Variants in LMX1B observed in about 807,000 individuals in gnomAD.
LMX1B encodes the protein LIM homeobox transcription factor 1 beta.
In LMX1B, 12 loss-of-function variants were observed where a neutral mutation model predicts 51.4. The observed-to-expected ratio is 0.23, with a 90% confidence interval of 0.15 to 0.38. LMX1B has a LOEUF of 0.38. LMX1B is among the 10% of genes least tolerant of loss of function. The pLI, the probability that LMX1B is intolerant of heterozygous loss-of-function variation, is 1.00. For synonymous variants in LMX1B, 237 were observed against 235.4 expected (o/e 1.01, Z -0.06); for missense variants, 445 against 571.1 (o/e 0.78, Z 2.25).
At chr9:126,648,674 A>G (rs1477768379) in intron 2 of LMX1B, among the ~76,000 whole-genome samples, 1 of 152,218 alleles carries the variant, frequency 6.6e-6, no homozygotes, top group East Asian at 1.9e-4. Context: ...ATCGATGGAC[A>G]GGTACATGAG....
chr9:126,694,763 T>C (rs951544763), intron 6 of LMX1B, among the ~76,000 whole-genome samples: 2 of 152,150 alleles, frequency 1.3e-5, no homozygotes, highest in Non-Finnish European at 1.5e-5. Flanking sequence ...CGCTTCCCCC[T>C]CTGCCCCTCC....
intron 2 of LMX1B, among the ~76,000 whole-genome samples, chr9:126,663,430 AAAAAAAAAG>A (rs1220075280): frequency 2.1e-4 from 19 of 91,350 alleles, no homozygotes; most frequent in South Asian, 4.6e-4. Context: ...TCTCAAAAAA[AAAAAAAAAG>A]AAAAAAAAAA....
chr9:126,670,989 G>A (rs1342299064), intron 2 of LMX1B, among the ~76,000 whole-genome samples: 1 of 152,204 alleles, frequency 6.6e-6, no homozygotes, highest in Non-Finnish European at 1.5e-5. Flanking sequence ...TCCCACGCTA[G>A]CTGCCACCAC....
In LMX1B at chr9:126,670,519, G is replaced by A. The variant is rs138450342; in HGVS notation, c.327-20317G>A. On this transcript the variant is annotated intron_variant, in intron 2 of 7. Transcript: ENST00000373474. ...TGGGCATGTGTAAACAGCAGGGTTG[G>A]GCAGATGCAGATGGACAGGTAGGTG... Among the ~76,000 whole-genome samples the A allele has an allele frequency of 8.3e-3, 1,264 of 152,334 alleles. 8 individuals are homozygous for A. Among genetic ancestry groups the A allele is most frequent in the Non-Finnish European group, 0.014 (938 of 68,030 alleles).
Position 126,615,390 on chromosome 9 carries a change from C to G in LMX1B, c.147C>G (p.Asp49Glu). The change falls in exon 2 of 8, where the codon GAC becomes GAG. Residue 49 changes from aspartate to glutamate, a missense_variant. This residue lies in a region of LMX1B where 273 missense variants were observed against 343.3 expected (regional missense o/e 0.80). Coordinates refer to ENST00000373474, the MANE Select transcript of LMX1B (RefSeq NM_001174147.2). This position sits in a 1 kb window ranked among gnomAD's most constrained non-coding sequence, Gnocchi z 6.0. ...PATLGVLLGS[D>E]CPHPAVCEGC... ...TCGCCCTGTGCGCTACAGGCTCCGACTGCCCGCATCCCGCCGTCTGCGAGG... is the reference window on the plus strand; with the variant it reads ...TCGCCCTGTGCGCTACAGGCTCCGAGTGCCCGCATCCCGCCGTCTGCGAGG... The G allele has an allele frequency of 6.3e-7, 1 of 1,599,568 alleles. No homozygotes were observed. Among genetic ancestry groups the G allele is most frequent in the South Asian group, 1.1e-5 (1 of 89,456 alleles).
chr9:126,686,445 A>G (rs2029889177), intron 2 of LMX1B, among the ~76,000 whole-genome samples: 2 of 152,346 alleles, frequency 1.3e-5, no homozygotes, highest in African/African-American at 2.4e-5. Flanking sequence ...ATCTTCTCAC[A>G]GCCTGGGACT....
intron 7 of LMX1B, 26 bp downstream of exon 7, chr9:126,696,029 C>A (rs370270617): frequency 1.4e-6 from 2 of 1,467,994 alleles, no homozygotes; most frequent in East Asian, 2.5e-5. Context: ...CCCACCCGCC[C>A]GCCCCAGCAC....
chr9:126,680,769 AG>A (rs1016423292), intron 2 of LMX1B, among the ~76,000 whole-genome samples: 20 of 152,290 alleles, frequency 1.3e-4, no homozygotes, highest in Non-Finnish European at 2.5e-4. Flanking sequence ...GGCAGAAAGA[AG>A]GGGGAAGAGG....
At position 126,696,015 on chromosome 9, in the gene LMX1B, T is replaced by TA; in HGVS notation, c.1051+13dup. 1 of 1,556,458 alleles carries TA rather than the reference T, an allele frequency of 6.4e-7. No individual in the cohort carries two copies. The highest frequency in any genetic ancestry group is 8.7e-7 in the Non-Finnish European group (1 of 1,155,158). On this transcript the variant is annotated intron_variant, in intron 7 of 7. Coordinates refer to ENST00000373474, the MANE Select transcript of LMX1B (RefSeq NM_001174147.2). ...CATGAACCCCTATGGTAAGCCGCCC[T>TA]ACCCCCACCCGCCCGCCCCAGCACA... is the stretch of plus-strand genomic sequence containing the variant.
chr9:126,686,435 A>G (rs1234902417), intron 2 of LMX1B, among the ~76,000 whole-genome samples: 1 of 152,250 alleles, frequency 6.6e-6, no homozygotes, highest in Non-Finnish European at 1.5e-5. Flanking sequence ...ATATGGAGAT[A>G]TCTTCTCACA....
chr9:126,636,061 C>A (rs1835708920), intron 2 of LMX1B, among the ~76,000 whole-genome samples: 1 of 152,158 alleles, frequency 6.6e-6, no homozygotes, highest in South Asian at 2.1e-4. Context: ...GGAGCCCTCC[C>A]CTCTATGAGC....
chr9:126,660,684 G>A (rs982810140), intron 2 of LMX1B, among the ~76,000 whole-genome samples: 1 of 152,176 alleles, frequency 6.6e-6, no homozygotes, highest in Non-Finnish European at 1.5e-5. Context: ...GAATCCATGT[G>A]AGGGGGATTG....
intron 2 of LMX1B, among the ~76,000 whole-genome samples, chr9:126,666,388 G>A (rs1368626249): frequency 2.0e-5 from 3 of 152,206 alleles, no homozygotes; most frequent in African/African-American, 7.2e-5. Context: ...GAGCAGCTGA[G>A]CCAGGTGACA....
chr9:126,660,059 C>CTACACTGGCTTCAGAG, intron 2 of LMX1B, among the ~76,000 whole-genome samples: 1 of 59,762 alleles, frequency 1.7e-5, no homozygotes, highest in Non-Finnish European at 3.9e-5. Flanking sequence ...GGTTGTCCTG[C>CTACACTGGCTTCAGAG]GTGGGGGTGT....
intron 2 of LMX1B, among the ~76,000 whole-genome samples, chr9:126,675,354 G>A (rs957501785): frequency 6.6e-6 from 1 of 152,174 alleles, no homozygotes; most frequent in Admixed American, 6.5e-5. Context: ...TGCAGAGAAC[G>A]CCCTTTTGTA....
intron 3 of LMX1B, 79 bp from the exon 4 acceptor site, chr9:126,693,063 G>A: frequency 7.0e-7 from 1 of 1,422,742 alleles, no homozygotes; most frequent in South Asian, 1.3e-5. Flanking sequence ...CCATCGGGCA[G>A]CAGGTTGCCG....
chr9:126,623,404 C>T (rs1227352904), intron 2 of LMX1B, among the ~76,000 whole-genome samples: 6 of 152,170 alleles, frequency 3.9e-5, no homozygotes, highest in Non-Finnish European at 8.8e-5. Flanking sequence ...AGTAGTGCCT[C>T]TAGAAGGGCA....
intron 2 of LMX1B, among the ~76,000 whole-genome samples, chr9:126,665,031 G>A (rs577506537): frequency 4.6e-5 from 7 of 152,254 alleles, no homozygotes; most frequent in Non-Finnish European, 1.0e-4. Flanking sequence ...TGCCTGTACC[G>A]TCCTTAGCGC....
chr9:126,636,464 C>G (rs2118871098), intron 2 of LMX1B, among the ~76,000 whole-genome samples: 1 of 152,236 alleles, frequency 6.6e-6, no homozygotes, highest in Non-Finnish European at 1.5e-5. Context: ...GCTAGAGAGT[C>G]TGGCCTTTAC....
Sources: allele counts gnomAD v4.1 joint callset (sites outside exome capture counted in the v4.1 genomes callset), GRCh38; gene constraint gnomAD v4.1.1; regional missense constraint gnomAD v4.1.1; non-coding constraint Gnocchi (gnomAD v3.1); transcripts MANE v1.5; gene names NCBI Gene and HGNC (gene_info 2026-07-23, HGNC 2026-07-21).